Variants in SHTN1 observed in about 807,000 individuals in gnomAD.
The protein encoded by SHTN1 is shootin-1.
A neutral mutation model predicts 83.1 loss-of-function variants in SHTN1; 42 were observed. The observed-to-expected ratio is 0.51, with a 90% CI of 0.39 to 0.65. The LOEUF is 0.65. Among genes scored for constraint, SHTN1 ranks in the 30% least tolerant of loss-of-function variants. The pLI, the probability that SHTN1 is intolerant of heterozygous loss-of-function variation, is 0.00. For missense variants in SHTN1, 622 were observed against 737.8 expected, an observed-to-expected ratio of 0.84 and a Z score of 1.82; for synonymous variants, 224 against 247.7, an observed-to-expected ratio of 0.90 and a Z score of 0.90.
intron 3 of SHTN1, among the ~76,000 whole-genome samples, chr10:116,964,638 A>T (rs957249230): frequency 2.0e-4 from 30 of 152,362 alleles, no homozygotes; most frequent in Non-Finnish European, 4.0e-4. Flanking sequence ...ATATGTAGGA[A>T]AATCGGTGTG....
intron 1 of SHTN1, among the ~76,000 whole-genome samples, chr10:116,981,121 C>T (rs1851002236): frequency 1.3e-5 from 2 of 152,122 alleles, no homozygotes; most frequent in African/African-American, 4.8e-5. Context: ...GAGTTCAAGA[C>T]CAGCCTGGCC....
intron 9 of SHTN1, among the ~76,000 whole-genome samples, chr10:116,933,059 T>G (rs1347263267): frequency 1.3e-5 from 2 of 152,120 alleles, no homozygotes; most frequent in Non-Finnish European, 2.9e-5. Context: ...AATGAAATTC[T>G]TTCCCTCCCA....
intron 2 of SHTN1, among the ~76,000 whole-genome samples, chr10:117,040,563 G>T (rs1434433612): frequency 2.0e-5 from 3 of 152,182 alleles, no homozygotes; most frequent in African/African-American, 7.2e-5. Flanking sequence ...CCATACTAAT[G>T]TAAGATGCTA....
At chr10:116,977,662 C>CTGTGTGTG (rs750351561) in intron 2 of SHTN1, among the ~76,000 whole-genome samples, 3,651 of 147,840 alleles carry the variant, frequency 0.025, 71 homozygotes, top group African/African-American at 0.051. Flanking sequence ...CTTTCTTACT[C>CTGTGTGTG]TGTGTGTGTG....
At chr10:117,105,850 T>C (rs1329931548) in intron 1 of SHTN1, among the ~76,000 whole-genome samples, 1 of 152,016 alleles carries the variant, frequency 6.6e-6, no homozygotes. Flanking sequence ...AAACCCTGTC[T>C]CTACAAAAAA....
intron 2 of SHTN1, among the ~76,000 whole-genome samples, chr10:116,975,793 A>T (rs927344449): frequency 6.6e-6 from 1 of 152,210 alleles, no homozygotes; most frequent in Non-Finnish European, 1.5e-5. Context: ...GCCAGAATCT[A>T]TATGTATATA....
chr10:117,126,004 C>CT (rs1853999596), intron 1 of SHTN1, among the ~76,000 whole-genome samples: 1 of 152,202 alleles, frequency 6.6e-6, no homozygotes, highest in Non-Finnish European at 1.5e-5. Context: ...CCTGTGCACC[C>CT]TTAGCAAGCC....
At chr10:116,888,374 T>C (rs760056285) in intron 16 of SHTN1, among the ~76,000 whole-genome samples, 2 of 152,166 alleles carry the variant, frequency 1.3e-5, no homozygotes, top group Non-Finnish European at 2.9e-5. Flanking sequence ...CTATGAGTAA[T>C]ATTAAGGATT....
At chr10:117,097,801 T>C (rs1853526219) in intron 1 of SHTN1, among the ~76,000 whole-genome samples, 1 of 152,210 alleles carries the variant, frequency 6.6e-6, no homozygotes, top group South Asian at 2.1e-4. Flanking sequence ...TCCAACTGCA[T>C]CTCTATTTAA....
intron 7 of SHTN1, among the ~76,000 whole-genome samples, chr10:116,946,542 TA>T (rs1177724933): frequency 7.6e-6 from 1 of 131,022 alleles, no homozygotes; most frequent in African/African-American, 2.9e-5. Flanking sequence ...GATTTATATA[TA>T]AATATATAAA....
chr10:116,910,776 A>ATT (rs1848160718), intron 14 of SHTN1, among the ~76,000 whole-genome samples: 1 of 152,196 alleles, frequency 6.6e-6, no homozygotes, highest in South Asian at 2.1e-4. Flanking sequence ...AATCTATTAG[A>ATT]TAATCACCAC....
At chr10:116,941,588 CATT>C (rs1287723966) in intron 8 of SHTN1, among the ~76,000 whole-genome samples, 1 of 152,184 alleles carries the variant, frequency 6.6e-6, no homozygotes, top group Non-Finnish European at 1.5e-5. Flanking sequence ...TTAAAATTTA[CATT>C]ATAACTTAAC....
chr10:116,976,921 A>C (rs1850827291), intron 2 of SHTN1, among the ~76,000 whole-genome samples: 1 of 152,240 alleles, frequency 6.6e-6, no homozygotes, highest in African/African-American at 2.4e-5. Flanking sequence ...ATTACAACAG[A>C]AGCAGGTCAA....
chr10:117,048,070 A>G (rs1202519078), intron 2 of SHTN1, among the ~76,000 whole-genome samples: 2 of 152,206 alleles, frequency 1.3e-5, no homozygotes, highest in African/African-American at 4.8e-5. Flanking sequence ...AGCTGTAAAA[A>G]GGGCATAGTC....
chr10:117,029,166 C>T (rs1852371343), intron 2 of SHTN1, among the ~76,000 whole-genome samples: 2 of 152,208 alleles, frequency 1.3e-5, no homozygotes, highest in African/African-American at 4.8e-5. Context: ...TCTTTAAGAC[C>T]TAATGACTGC....
At chr10:117,023,435 A>T (rs536104368) in intron 2 of SHTN1, among the ~76,000 whole-genome samples, 1 of 152,342 alleles carries the variant, frequency 6.6e-6, no homozygotes, top group East Asian at 1.9e-4. Context: ...ATATATATGA[A>T]ATTCTCTGAA....
chr10:116,907,521 C>G (rs905571143), intron 14 of SHTN1, among the ~76,000 whole-genome samples: 2 of 152,166 alleles, frequency 1.3e-5, no homozygotes, highest in African/African-American at 4.8e-5. Context: ...TCTGGCTCTT[C>G]CGGGAAGTAT....
intron 4 of SHTN1, among the ~76,000 whole-genome samples, chr10:116,958,834 T>A (rs1850077079): frequency 6.6e-6 from 1 of 152,150 alleles, no homozygotes; most frequent in South Asian, 2.1e-4. Context: ...TTGTCCAAAA[T>A]CACATATGCC....
At chr10:116,987,801 G>C (rs1307455461) in intron 1 of SHTN1, among the ~76,000 whole-genome samples, 1 of 151,994 alleles carries the variant, frequency 6.6e-6, no homozygotes, top group African/African-American at 2.4e-5. Flanking sequence ...TGTAGTCCCA[G>C]CTACCAGGGA....
Sources: gnomAD v4.1 joint callset for allele counts (sites outside exome capture counted in the v4.1 genomes callset) on GRCh38, gnomAD v4.1.1 for gene constraint, MANE v1.5 for transcripts, NCBI Gene and HGNC (gene_info 2026-07-23, HGNC 2026-07-21) for gene names.